ROBO1: variants seen among roughly 807,000 people sequenced by gnomAD.
ROBO1 encodes the protein roundabout guidance receptor 1.
Under a neutral mutation model 195.9 loss-of-function variants are expected in ROBO1, and 149 were observed. The observed-to-expected ratio is 0.76, with a 90% CI of 0.67 to 0.87. The LOEUF (loss-of-function observed/expected upper bound fraction) is 0.87. Ranked by LOEUF, ROBO1 falls within the 40% of genes least tolerant of loss-of-function variation. The pLI is 0.00. For synonymous variants in ROBO1, 816 were observed against 733.2 expected, an observed-to-expected ratio of 1.11 and a Z score of -1.82; for missense variants, 1,933 against 2,068.3, an observed-to-expected ratio of 0.93 and a Z score of 1.27.
At chr3:79,200,564 G>GTTTTCTTT in intron 2 of ROBO1, among the ~76,000 whole-genome samples, 2 of 151,800 alleles carry the variant, frequency 1.3e-5, no homozygotes, top group African/African-American at 4.8e-5. Flanking sequence ...AACACAGCCT[G>GTTTTCTTT]GACAGTGTTA....
At chr3:79,537,112 T>A (rs552906113) in intron 2 of ROBO1, among the ~76,000 whole-genome samples, 11 of 132,618 alleles carry the variant, frequency 8.3e-5, no homozygotes, top group Admixed American at 2.1e-4. Context: ...TTCCTTTTTT[T>A]ATTTTTTTTT....
At chr3:78,744,083 T>C (rs985611003) in intron 5 of ROBO1, among the ~76,000 whole-genome samples, 1 of 152,166 alleles carries the variant, frequency 6.6e-6, no homozygotes, top group Non-Finnish European at 1.5e-5. Flanking sequence ...CATTTCAAAA[T>C]TACCATGTCT....
intron 2 of ROBO1, among the ~76,000 whole-genome samples, chr3:79,143,795 G>T (rs891697001): frequency 6.6e-6 from 1 of 151,902 alleles, no homozygotes; most frequent in Non-Finnish European, 1.5e-5. Flanking sequence ...AAGATAAAGG[G>T]TCTTGCCACC....
intron 2 of ROBO1, among the ~76,000 whole-genome samples, chr3:79,237,665 G>A (rs922318170): frequency 2.6e-5 from 4 of 152,140 alleles, no homozygotes; most frequent in Non-Finnish European, 4.4e-5. Context: ...CACTCTATCC[G>A]AGTCATACAC....
Position 79,685,842 on chromosome 3 carries a change from A to G in ROBO1, c.-51+81910T>C, listed in dbSNP as rs146111389. 6.6e-3 allele frequency among the ~76,000 whole-genome samples: 1,011 copies of G among 152,326 alleles called. 25 individuals carry two copies. The highest frequency in any genetic ancestry group is 0.043 in the East Asian group (224 of 5,170). On this transcript the variant is annotated intron_variant, in intron 1 of 30. Transcript: ENST00000464233. The stretch of plus-strand genomic sequence containing the variant: ...TCTGAAACTATTCCAATCAATAGAA[A>G]AAGAGGGAATCTTCCCTAACTCATT...
At chr3:78,676,385 A>G (rs1708428297) in intron 10 of ROBO1, among the ~76,000 whole-genome samples, 1 of 152,208 alleles carries the variant, frequency 6.6e-6, no homozygotes, top group Non-Finnish European at 1.5e-5. Flanking sequence ...TCCGAGCTAC[A>G]CAAGGAAATT....
At chr3:79,273,277 C>G (rs779259980) in intron 2 of ROBO1, among the ~76,000 whole-genome samples, 3 of 151,902 alleles carry the variant, frequency 2.0e-5, no homozygotes, top group Non-Finnish European at 4.4e-5. Context: ...AAAGAATGAA[C>G]ATATCAAAAA....
At chr3:78,764,313 T>C (rs530147846) in intron 4 of ROBO1, among the ~76,000 whole-genome samples, 57 of 152,314 alleles carry the variant, frequency 3.7e-4, no homozygotes, top group Non-Finnish European at 6.6e-4. Context: ...TTAGGTTAAA[T>C]AATTGGTTTA....
At chr3:78,907,310 A>C (rs80094683) in intron 4 of ROBO1, among the ~76,000 whole-genome samples, 2 of 152,254 alleles carry the variant, frequency 1.3e-5, no homozygotes, top group South Asian at 4.1e-4. Context: ...AACAAAAAAA[A>C]CAACCACCTC....
At chr3:79,167,479 C>A (rs952917098) in intron 2 of ROBO1, among the ~76,000 whole-genome samples, 1 of 152,236 alleles carries the variant, frequency 6.6e-6, no homozygotes, top group South Asian at 2.1e-4. Context: ...CTTTATAACA[C>A]CTGTAATGAC....
chr3:78,914,964 C>T (rs1457076237), intron 4 of ROBO1, among the ~76,000 whole-genome samples: 3 of 151,668 alleles, frequency 2.0e-5, no homozygotes, highest in African/African-American at 4.8e-5. Context: ...GTGCCTGCTC[C>T]CTTTTTGCAT....
intron 5 of ROBO1, among the ~76,000 whole-genome samples, chr3:78,735,250 T>G (rs1033956454): frequency 6.6e-5 from 10 of 152,222 alleles, no homozygotes; most frequent in Non-Finnish European, 1.5e-4. Context: ...TAACGCTTTA[T>G]AATGAGGCTG....
intron 2 of ROBO1, among the ~76,000 whole-genome samples, chr3:79,406,597 G>A (rs2037560111): frequency 6.6e-6 from 1 of 151,974 alleles, no homozygotes; most frequent in African/African-American, 2.4e-5. Flanking sequence ...GTGTGTGTGT[G>A]TGTTTGGGGG....
At chr3:79,435,188 T>C (rs1559897171) in intron 2 of ROBO1, among the ~76,000 whole-genome samples, 1 of 152,148 alleles carries the variant, frequency 6.6e-6, no homozygotes, top group Non-Finnish European at 1.5e-5. Context: ...GTTGTGCACA[T>C]GTACCCTAGA....
At chr3:78,842,628 C>T (rs1164462485) in intron 4 of ROBO1, among the ~76,000 whole-genome samples, 11 of 147,466 alleles carry the variant, frequency 7.5e-5, no homozygotes, top group South Asian at 2.1e-4. Flanking sequence ...CCTAAGCACA[C>T]GAAATAATAC....
intron 2 of ROBO1, among the ~76,000 whole-genome samples, chr3:79,528,068 G>T (rs543430853): frequency 3.4e-5 from 2 of 58,350 alleles, no homozygotes; most frequent in East Asian, 4.6e-4. Context: ...ATTTGGTAGA[G>T]AATTAAATTA....
intron 14 of ROBO1, among the ~76,000 whole-genome samples, chr3:78,667,548 C>T (rs1297566518): frequency 6.6e-6 from 1 of 151,806 alleles, no homozygotes; most frequent in Non-Finnish European, 1.5e-5. Context: ...ACCATCCCCA[C>T]CCTCCCCACA....
chr3:78,931,980 T>TA (rs556097087), intron 4 of ROBO1, among the ~76,000 whole-genome samples: 61 of 151,022 alleles, frequency 4.0e-4, no homozygotes, highest in African/African-American at 1.2e-3. Flanking sequence ...GTCTCAAAAA[T>TA]AAAAAAAAAG....
intron 4 of ROBO1, among the ~76,000 whole-genome samples, chr3:78,770,466 T>C (rs1037883108): frequency 6.6e-6 from 1 of 152,224 alleles, no homozygotes; most frequent in Non-Finnish European, 1.5e-5. Context: ...CATTTTGTAA[T>C]AAGACTATTT....
Sources: allele counts gnomAD v4.1 joint callset (sites outside exome capture counted in the v4.1 genomes callset), GRCh38; gene constraint gnomAD v4.1.1; transcripts MANE v1.5; gene names NCBI Gene and HGNC (gene_info 2026-07-23, HGNC 2026-07-21).